Variants in NR3C2 observed in about 807,000 individuals in gnomAD.
NR3C2 encodes the protein mineralocorticoid receptor.
A neutral mutation model predicts 86.4 loss-of-function variants in NR3C2; 15 were observed. That is an observed-to-expected ratio of 0.17 (90% CI 0.12 to 0.27). The LOEUF is 0.27. Ranked by LOEUF, NR3C2 falls within the 10% of genes least tolerant of loss-of-function variation. NR3C2 has a pLI of 1.00. For missense variants in NR3C2, 960 were observed against 1,195.6 expected (o/e 0.80, Z 2.91); for synonymous variants, 458 against 450.5 (o/e 1.02, Z -0.21).
At chr4:148,348,996 G>C (rs1745137494) in intron 2 of NR3C2, among the ~76,000 whole-genome samples, 1 of 152,034 alleles carries the variant, frequency 6.6e-6, no homozygotes, top group African/African-American at 2.4e-5. Context: ...GTATTACCAA[G>C]CACAAGGAAA....
At chr4:148,260,889 C>T (rs896875423) in intron 2 of NR3C2, among the ~76,000 whole-genome samples, 1 of 152,162 alleles carries the variant, frequency 6.6e-6, no homozygotes, top group Non-Finnish European at 1.5e-5. Context: ...TTATATAGTA[C>T]TGTGTTAGTT....
intron 3 of NR3C2, among the ~76,000 whole-genome samples, chr4:148,233,980 T>C (rs1224182370): frequency 6.6e-6 from 1 of 152,106 alleles, no homozygotes; most frequent in Non-Finnish European, 1.5e-5. Context: ...AAACCTTCAA[T>C]CTGAAATTAA....
chr4:148,398,222 C>T (rs1361630631), intron 2 of NR3C2, among the ~76,000 whole-genome samples: 1 of 152,208 alleles, frequency 6.6e-6, no homozygotes, highest in East Asian at 1.9e-4. Context: ...TTCACAGATA[C>T]CAGTAGGACG....
chr4:148,232,698 T>A (rs1404398621), intron 3 of NR3C2, among the ~76,000 whole-genome samples: 1 of 152,214 alleles, frequency 6.6e-6, no homozygotes, highest in Non-Finnish European at 1.5e-5. Context: ...AAGTCATAGG[T>A]GGCATCTATC....
intron 3 of NR3C2, among the ~76,000 whole-genome samples, chr4:148,215,848 C>T (rs1737507531): frequency 6.8e-6 from 1 of 146,638 alleles, no homozygotes; most frequent in Non-Finnish European, 1.5e-5. Flanking sequence ...GGCTCGATCT[C>T]AGCTCACTGC....
intron 3 of NR3C2, among the ~76,000 whole-genome samples, chr4:148,203,683 C>T (rs1736852957): frequency 2.4e-5 from 3 of 126,510 alleles, no homozygotes; most frequent in South Asian, 2.9e-4. Context: ...CTTATAATGT[C>T]GCATGGTGAG....
At chr4:148,317,369 A>G (rs547776618) in intron 2 of NR3C2, among the ~76,000 whole-genome samples, 1 of 151,870 alleles carries the variant, frequency 6.6e-6, no homozygotes, top group African/African-American at 2.4e-5. Flanking sequence ...AAAAAAAAGA[A>G]AAAAAGAAAA....
chr4:148,289,280 A>C (rs1364572685), intron 2 of NR3C2, among the ~76,000 whole-genome samples: 3 of 151,638 alleles, frequency 2.0e-5, no homozygotes, highest in Admixed American at 2.0e-4. Flanking sequence ...AGCCAAAAAA[A>C]AAAAAAAAAA....
chr4:148,367,512 G>C (rs553525467), intron 2 of NR3C2, among the ~76,000 whole-genome samples: 1 of 152,164 alleles, frequency 6.6e-6, no homozygotes, highest in East Asian at 1.9e-4. Flanking sequence ...CACACCTAAA[G>C]AATTCTAGCT....
intron 3 of NR3C2, among the ~76,000 whole-genome samples, chr4:148,259,035 C>T (rs1339712038): frequency 6.6e-6 from 1 of 152,150 alleles, no homozygotes; most frequent in African/African-American, 2.4e-5. Flanking sequence ...ACTTGGTTAA[C>T]TTTTTCATTC....
At chr4:148,130,694 CT>C (rs1732978512) in intron 6 of NR3C2, among the ~76,000 whole-genome samples, 1 of 150,740 alleles carries the variant, frequency 6.6e-6, no homozygotes, top group Non-Finnish European at 1.5e-5. Context: ...CTGTTCTTTT[CT>C]TTGTAGATAT....
chr4:148,104,342 G>GGTTTGTTT (rs1731686588), intron 8 of NR3C2, among the ~76,000 whole-genome samples: 1 of 63,794 alleles, frequency 1.6e-5, no homozygotes, highest in Non-Finnish European at 3.2e-5. Flanking sequence ...TTTTGGTTTG[G>GGTTTGTTT]TTTTTTTTTT....
rs373861934 is a variant in NR3C2 at position 148,372,312 on chromosome 4, A to T, written c.1757+62792T>A. On this transcript the variant is annotated intron_variant, in intron 2 of 8. Transcript: ENST00000358102. ...TGACAGGAATAGAATTCTAGATACTATACTCTTATCTTGTTTTTAAAATAT... is the reference window on the plus strand; with the variant it reads ...TGACAGGAATAGAATTCTAGATACTTTACTCTTATCTTGTTTTTAAAATAT... 5.3e-5 allele frequency among the ~76,000 whole-genome samples: 8 copies of T among 152,242 alleles called. 1 individual carries two copies. The highest frequency in any genetic ancestry group is 1.9e-4 in the East Asian group (1 of 5,178).
At chr4:148,401,577 C>T (rs1748166424) in intron 2 of NR3C2, among the ~76,000 whole-genome samples, 1 of 150,966 alleles carries the variant, frequency 6.6e-6, no homozygotes, top group Admixed American at 6.6e-5. Context: ...CATTCTCCTG[C>T]CTCAGCCTCC....
chr4:148,212,211 T>C (rs1478073415), intron 3 of NR3C2, among the ~76,000 whole-genome samples: 4 of 152,264 alleles, frequency 2.6e-5, no homozygotes, highest in African/African-American at 2.4e-5. Flanking sequence ...CCATTTCACA[T>C]TGTTCTTATT....
At chr4:148,403,332 T>G (rs1464351605) in intron 2 of NR3C2, among the ~76,000 whole-genome samples, 1 of 152,094 alleles carries the variant, frequency 6.6e-6, no homozygotes, top group East Asian at 1.9e-4. Flanking sequence ...CACTTTGTTA[T>G]GGTCTGCTTT....
chr4:148,217,898 T>G (rs1737625151), intron 3 of NR3C2, among the ~76,000 whole-genome samples: 1 of 152,184 alleles, frequency 6.6e-6, no homozygotes, highest in Non-Finnish European at 1.5e-5. Flanking sequence ...TTGTAGCCAC[T>G]AGTGAGAACT....
At chr4:148,417,657 C>T (rs1041968365) in intron 2 of NR3C2, among the ~76,000 whole-genome samples, 8 of 152,184 alleles carry the variant, frequency 5.3e-5, no homozygotes, top group South Asian at 2.1e-4. Flanking sequence ...ATCTCAAACA[C>T]GAAATTTATT....
intron 2 of NR3C2, among the ~76,000 whole-genome samples, chr4:148,426,968 T>C (rs2126627325): frequency 6.6e-6 from 1 of 152,094 alleles, no homozygotes. Context: ...TTTCTTTTTT[T>C]TTTTTGAGAG....
Sources: gnomAD v4.1 joint callset for allele counts (sites outside exome capture counted in the v4.1 genomes callset) on GRCh38, gnomAD v4.1.1 for gene constraint, MANE v1.5 for transcripts, NCBI Gene and HGNC (gene_info 2026-07-23, HGNC 2026-07-21) for gene names.